NCKAP5: variants seen among roughly 807,000 people sequenced by gnomAD.
The protein encoded by NCKAP5 is nck-associated protein 5.
In NCKAP5, 92 loss-of-function variants were observed where a neutral mutation model predicts 167.0. That is an observed-to-expected ratio of 0.55 (90% CI 0.47 to 0.66). The LOEUF is 0.66. NCKAP5 is among the 30% of genes least tolerant of loss of function. The pLI, the probability that NCKAP5 is intolerant of heterozygous loss-of-function variation, is 0.00. For missense variants in NCKAP5, 2,378 were observed against 2,315.0 expected (o/e 1.03, Z -0.56); for synonymous variants, 891 against 877.4 (o/e 1.02, Z -0.27).
the NCKAP5 span, among the ~76,000 whole-genome samples, chr2:133,578,262 T>C: frequency 6.6e-6 from 1 of 152,216 alleles, no homozygotes; most frequent in Non-Finnish European, 1.5e-5. Context: ...TTCTTCAGCA[T>C]CTTCCCTTGC....
intron 11 of NCKAP5, among the ~76,000 whole-genome samples, chr2:132,831,267 A>AACTT (rs1255869827): frequency 6.6e-6 from 1 of 152,192 alleles, no homozygotes; most frequent in Non-Finnish European, 1.5e-5. Flanking sequence ...ACCATTCTAA[A>AACTT]ACTTAAATAT....
intron 10 of NCKAP5, among the ~76,000 whole-genome samples, chr2:132,867,548 T>A (rs1574466065): frequency 6.6e-6 from 1 of 152,276 alleles, no homozygotes; most frequent in East Asian, 1.9e-4. Context: ...TTTGGAAGTG[T>A]CCTTTAAAAG....
chr2:133,082,723 G>A (rs1281179157), intron 6 of NCKAP5, among the ~76,000 whole-genome samples: 1 of 152,106 alleles, frequency 6.6e-6, no homozygotes, highest in Non-Finnish European at 1.5e-5. Flanking sequence ...CTGGTGCCAG[G>A]TTTTGGAAGT....
chr2:132,850,789 C>G (rs542738688), intron 11 of NCKAP5, among the ~76,000 whole-genome samples: 7 of 152,042 alleles, frequency 4.6e-5, no homozygotes, highest in Non-Finnish European at 8.8e-5. Context: ...TACAGAAACT[C>G]TGCTGATCCT....
At chr2:133,319,578 C>A (rs573628956) in intron 3 of NCKAP5, among the ~76,000 whole-genome samples, 4 of 152,078 alleles carry the variant, frequency 2.6e-5, no homozygotes, top group African/African-American at 9.7e-5. Flanking sequence ...TGTATTGGGA[C>A]GGTCACCTAA....
chr2:133,473,236 G>T (rs896388596), intron 3 of NCKAP5, among the ~76,000 whole-genome samples: 2 of 152,066 alleles, frequency 1.3e-5, no homozygotes, highest in Non-Finnish European at 2.9e-5. Flanking sequence ...GGAGGCTGAG[G>T]TAGGAGAATC....
intron 4 of NCKAP5, among the ~76,000 whole-genome samples, chr2:133,259,249 T>C (rs989364705): frequency 1.3e-5 from 2 of 152,228 alleles, no homozygotes; most frequent in African/African-American, 2.4e-5. Flanking sequence ...ACTGATTTCC[T>C]TCTTCTAATT....
the NCKAP5 span, among the ~76,000 whole-genome samples, chr2:133,585,324 T>C: frequency 6.6e-6 from 1 of 152,232 alleles, no homozygotes; most frequent in African/African-American, 2.4e-5. Flanking sequence ...CTCCATTTTA[T>C]AGGTGAAGGA....
At chr2:133,305,580 T>A (rs984199485) in intron 3 of NCKAP5, among the ~76,000 whole-genome samples, 1 of 152,198 alleles carries the variant, frequency 6.6e-6, no homozygotes, top group African/African-American at 2.4e-5. Flanking sequence ...AAGTGTACAG[T>A]TCTTAGGTTA....
At chr2:133,330,476 T>C (rs1157562682) in intron 3 of NCKAP5, among the ~76,000 whole-genome samples, 2 of 151,710 alleles carry the variant, frequency 1.3e-5, no homozygotes, top group African/African-American at 2.4e-5. Flanking sequence ...CTTTTAAAAA[T>C]ACATGTTGTA....
At chr2:133,448,359 T>G (rs533706912) in intron 3 of NCKAP5, among the ~76,000 whole-genome samples, 4 of 152,268 alleles carry the variant, frequency 2.6e-5, no homozygotes, top group South Asian at 2.1e-4. Context: ...AGGAAGCTCA[T>G]GTATTTCATT....
At chr2:132,874,298 C>T (rs541575808) in intron 9 of NCKAP5, among the ~76,000 whole-genome samples, 8 of 151,966 alleles carry the variant, frequency 5.3e-5, no homozygotes, top group East Asian at 3.9e-4. Context: ...TTAGTAGAGA[C>T]GAGGTTTCAC....
chr2:133,037,350 G>T (rs2079072143), intron 6 of NCKAP5, among the ~76,000 whole-genome samples: 1 of 152,080 alleles, frequency 6.6e-6, no homozygotes, highest in African/African-American at 2.4e-5. Context: ...GCTATCCTAA[G>T]CAGAAAGAAC....
chr2:133,479,311 T>C (rs1206737900), intron 3 of NCKAP5, among the ~76,000 whole-genome samples: 1 of 152,220 alleles, frequency 6.6e-6, no homozygotes, highest in Non-Finnish European at 1.5e-5. Flanking sequence ...ACATAATCCT[T>C]ATGAATTTAT....
chr2:133,185,348 GT>G (rs1379611445), intron 5 of NCKAP5, among the ~76,000 whole-genome samples: 3 of 152,120 alleles, frequency 2.0e-5, no homozygotes, highest in African/African-American at 7.2e-5. Flanking sequence ...GTACCACGGT[GT>G]TTTGGTTACT....
At chr2:133,625,551 C>T in the NCKAP5 span, among the ~76,000 whole-genome samples, 1 of 152,102 alleles carries the variant, frequency 6.6e-6, no homozygotes, top group Non-Finnish European at 1.5e-5. Flanking sequence ...CACCAGGACT[C>T]AACATCCAGC....
chr2:133,192,642 T>G (rs1315007284), intron 5 of NCKAP5, among the ~76,000 whole-genome samples: 4 of 151,532 alleles, frequency 2.6e-5, no homozygotes, highest in Non-Finnish European at 5.9e-5. Context: ...AATAAGCACA[T>G]AAAAGATATT....
intron 2 of NCKAP5, among the ~76,000 whole-genome samples, chr2:133,539,089 A>C (rs7582866): frequency 0.28 from 42,695 of 151,196 alleles, 6,440 homozygotes; most frequent in East Asian, 0.37. Context: ...TACAGGCGCC[A>C]GCCACCACGC....
chr2:133,119,370 C>T (rs557066290), intron 6 of NCKAP5, among the ~76,000 whole-genome samples: 1 of 152,122 alleles, frequency 6.6e-6, no homozygotes, highest in African/African-American at 2.4e-5. Context: ...TAGGTGCAAT[C>T]TCAGCAGGGT....
Sources: allele counts gnomAD v4.1 joint callset (sites outside exome capture counted in the v4.1 genomes callset), GRCh38; gene constraint gnomAD v4.1.1; transcripts MANE v1.5; gene names NCBI Gene and HGNC (gene_info 2026-07-23, HGNC 2026-07-21).